The following COL28A1 variants were observed in gnomAD, a reference collection of about 807,000 sequenced individuals.
COL28A1 encodes collagen type XXVIII alpha 1 chain.
In COL28A1, 161 loss-of-function variants were observed where a neutral mutation model predicts 150.2. The observed-to-expected ratio is 1.07, with a 90% CI of 0.94 to 1.22. The LOEUF (loss-of-function observed/expected upper bound fraction) is 1.22. Ranked by LOEUF, COL28A1 falls within the 50% of genes most tolerant of loss-of-function variation. The probability of loss-of-function intolerance (pLI) is 0.00; values close to 1 mark genes in which losing one functional copy is unlikely to be tolerated. For synonymous variants in COL28A1, 552 were observed against 469.7 expected (o/e 1.18, Z -2.26); for missense variants, 1,617 against 1,388.3 (o/e 1.16, Z -2.62).
At position 7,405,090 on chromosome 7, in the gene COL28A1, CT is replaced by C. The variant is rs111647698; in HGVS notation, c.2136+12768del. On this transcript the variant is annotated intron_variant, in intron 27 of 34. Coordinates refer to ENST00000399429, the MANE Select transcript of COL28A1 (RefSeq NM_001037763.3). ...TATTGAATAAATTTCTGAAATAAAA[CT>C]TTGTACAACTAGCAAGGATTGACTA... is the stretch of plus-strand genomic sequence containing the variant. 4.3e-4 allele frequency among the ~76,000 whole-genome samples: 66 copies of C among 152,270 alleles called. 1 individual carries two copies. Among genetic ancestry groups the C allele is most frequent in the African/African-American group, 1.5e-3 (63 of 41,572 alleles).
chr7:7,343,019 A>G, the COL28A1 span, among the ~76,000 whole-genome samples: 1 of 151,970 alleles, frequency 6.6e-6, no homozygotes. Context: ...CTTTCTTCCA[A>G]AACATGAAAG....
At chr7:7,461,868 G>C (rs79493064) in intron 15 of COL28A1, among the ~76,000 whole-genome samples, 11,909 of 152,136 alleles carry the variant, frequency 0.078, 580 homozygotes, top group African/African-American at 0.13. Flanking sequence ...TCCACCACCT[G>C]TTCCTTCCCA....
chr7:7,384,350 G>C (rs1782061684), intron 27 of COL28A1, among the ~76,000 whole-genome samples: 1 of 152,122 alleles, frequency 6.6e-6, no homozygotes, highest in Non-Finnish European at 1.5e-5. Context: ...GGGATGATTG[G>C]TCTTCTTTAT....
chr7:7,528,910 C>T (rs1044445735), intron 3 of COL28A1, among the ~76,000 whole-genome samples: 4 of 151,992 alleles, frequency 2.6e-5, no homozygotes, highest in Non-Finnish European at 4.4e-5. Flanking sequence ...TTTAAAAAGT[C>T]AACTACATAA....
chr7:7,487,861 A>G (rs940663116), intron 13 of COL28A1, among the ~76,000 whole-genome samples: 4 of 152,160 alleles, frequency 2.6e-5, no homozygotes, highest in African/African-American at 9.7e-5. Flanking sequence ...GTTTCTGCCT[A>G]TTGGAACACT....
intron 33 of COL28A1, among the ~76,000 whole-genome samples, chr7:7,361,235 A>C (rs1223531102): frequency 2.0e-5 from 3 of 152,246 alleles, no homozygotes; most frequent in Admixed American, 1.3e-4. Context: ...AATTTTCTGG[A>C]CTAAAATTTC....
chr7:7,539,186 T>C (rs1782744293), upstream of COL28A1, among the ~76,000 whole-genome samples: 1 of 152,176 alleles, frequency 6.6e-6, no homozygotes, highest in African/African-American at 2.4e-5. Flanking sequence ...GAGTAATCTA[T>C]AAAGAAAAGA....
chr7:7,360,923 A>AT (rs1167881065), intron 33 of COL28A1, among the ~76,000 whole-genome samples: 2 of 152,224 alleles, frequency 1.3e-5, no homozygotes, highest in South Asian at 2.1e-4. Context: ...TTTCTTTAAC[A>AT]TTTTTATGGC....
intron 21 of COL28A1, among the ~76,000 whole-genome samples, chr7:7,439,203 G>C (rs1004532538): frequency 2.0e-5 from 3 of 152,176 alleles, no homozygotes; most frequent in African/African-American, 7.2e-5. Context: ...TTCATCTTCA[G>C]AGCTGAAGCC....
intron 11 of COL28A1, among the ~76,000 whole-genome samples, chr7:7,493,662 C>T (rs756209714): frequency 2.5e-4 from 38 of 152,092 alleles, no homozygotes; most frequent in Admixed American, 5.9e-4. Context: ...TTATTCCCTT[C>T]CCATTTCCCC....
chr7:7,443,980 T>C (rs996430301), intron 19 of COL28A1, among the ~76,000 whole-genome samples: 1 of 144,208 alleles, frequency 6.9e-6, no homozygotes, highest in African/African-American at 2.6e-5. Context: ...AGCCTTTCCA[T>C]CTGCTGTTTT....
chr7:7,361,450 T>G (rs1780650372), intron 33 of COL28A1, among the ~76,000 whole-genome samples: 1 of 152,166 alleles, frequency 6.6e-6, no homozygotes, highest in African/African-American at 2.4e-5. Context: ...TAATTTACAC[T>G]CCCACCAACT....
At chr7:7,378,768 G>C (rs1207588007) in intron 30 of COL28A1, among the ~76,000 whole-genome samples, 1 of 152,180 alleles carries the variant, frequency 6.6e-6, no homozygotes, top group Non-Finnish European at 1.5e-5. Flanking sequence ...GTCTCCATTT[G>C]ATGTGGAGAT....
chr7:7,467,915 C>G lies in COL28A1; in HGVS notation c.1302+6686G>C, dbSNP rs977273391. 1.7e-3 allele frequency among the ~76,000 whole-genome samples: 252 copies of G among 144,188 alleles called. 2 individuals carry two copies. Among genetic ancestry groups the G allele is most frequent in the African/African-American group, 6.3e-3 (237 of 37,712 alleles). 94.6% of individuals were successfully genotyped at this position (144,188 alleles called of 152,430 possible). A position where few individuals can be genotyped will look rare whatever the true frequency, so the allele number is the denominator to read the frequency against. ...AGATGTTCTTTGAAACCAACGAGAA[C>G]AAAGACACAACATTCCAGAATCTCT... On this transcript the variant is annotated intron_variant, in intron 15 of 34. Coordinates refer to ENST00000399429, the MANE Select transcript of COL28A1 (RefSeq NM_001037763.3).
chr7:7,393,926 A>G (rs1212014090), intron 27 of COL28A1, among the ~76,000 whole-genome samples: 27 of 151,262 alleles, frequency 1.8e-4, no homozygotes, highest in Admixed American at 1.8e-3. Context: ...CCCCCTTTCC[A>G]GGGGAGTGAA....
chr7:7,345,848 A>G, the COL28A1 span, among the ~76,000 whole-genome samples: 16 of 152,038 alleles, frequency 1.1e-4, no homozygotes, highest in East Asian at 2.9e-3. Flanking sequence ...GTTTTTGTTT[A>G]TTTAGCATAT....
intron 23 of COL28A1, among the ~76,000 whole-genome samples, chr7:7,432,940 T>C (rs539071206): frequency 9.0e-6 from 1 of 111,480 alleles, no homozygotes; most frequent in Admixed American, 1.0e-4. Context: ...AAAGAATACA[T>C]AGCAAAATTT....
chr7:7,483,548 T>A (rs1373978998), intron 13 of COL28A1, among the ~76,000 whole-genome samples: 1 of 152,148 alleles, frequency 6.6e-6, no homozygotes, highest in Non-Finnish European at 1.5e-5. Context: ...GACATTAGCA[T>A]CAAGGAAACC....
At chr7:7,427,002 G>A (rs996149489) in intron 25 of COL28A1, among the ~76,000 whole-genome samples, 3 of 152,188 alleles carry the variant, frequency 2.0e-5, no homozygotes, top group African/African-American at 7.2e-5. Context: ...ATATGTTTAT[G>A]GTGATGTGGG....
Sources: gnomAD v4.1 joint callset for allele counts (sites outside exome capture counted in the v4.1 genomes callset) on GRCh38, gnomAD v4.1.1 for gene constraint, MANE v1.5 for transcripts, NCBI Gene and HGNC (gene_info 2026-07-23, HGNC 2026-07-21) for gene names.